ANLN: variants seen among roughly 807,000 people sequenced by gnomAD.
ANLN encodes anillin, actin binding protein.
A neutral mutation model predicts 135.1 loss-of-function variants in ANLN; 59 were observed. The observed-to-expected ratio is 0.44, with a 90% CI of 0.35 to 0.54. The LOEUF (loss-of-function observed/expected upper bound fraction) is 0.54. Ranked by LOEUF, ANLN falls within the 20% of genes least tolerant of loss-of-function variation. The pLI is 0.00. For synonymous variants in ANLN, 406 were observed against 456.4 expected (o/e 0.89, Z 1.41); for missense variants, 1,182 against 1,340.0 (o/e 0.88, Z 1.84).
chr7:36,448,026 T>G (rs540213150), intron 22 of ANLN, among the ~76,000 whole-genome samples: 1 of 152,208 alleles, frequency 6.6e-6, no homozygotes, highest in South Asian at 2.1e-4. Context: ...TTCTTTTCTT[T>G]TTTTTTGAGA....
chr7:36,418,601 C>T (rs568177915), intron 9 of ANLN, among the ~76,000 whole-genome samples: 7 of 152,042 alleles, frequency 4.6e-5, no homozygotes, highest in African/African-American at 1.7e-4. Flanking sequence ...TAGCTCTCAA[C>T]GATAGAAAAA....
chr7:36,431,007 A>C (rs1449774376), intron 20 of ANLN, among the ~76,000 whole-genome samples: 3 of 152,150 alleles, frequency 2.0e-5, no homozygotes, highest in Non-Finnish European at 4.4e-5. Context: ...CAAGCTTCTA[A>C]CCAAAAATAT....
chr7:36,401,117 C>T (rs546718362), intron 3 of ANLN, among the ~76,000 whole-genome samples: 1 of 152,198 alleles, frequency 6.6e-6, no homozygotes, highest in East Asian at 1.9e-4. Flanking sequence ...ATGTAAAATG[C>T]TAGGTATTGC....
intron 20 of ANLN, among the ~76,000 whole-genome samples, chr7:36,438,414 C>G (rs1788632700): frequency 6.6e-6 from 1 of 152,096 alleles, no homozygotes; most frequent in Middle Eastern, 3.2e-3. Context: ...GTCTTTTGCC[C>G]AGGCCAGAGT....
chr7:36,390,099 C>G (rs776462151), intron 1 of ANLN, 55 bp downstream of exon 1: 4 of 1,611,768 alleles, frequency 2.5e-6, no homozygotes, highest in Non-Finnish European at 3.4e-6. Flanking sequence ...GGCCCCCACC[C>G]ACCTTCCTCT....
At chr7:36,433,195 T>C (rs1273303279) in intron 20 of ANLN, among the ~76,000 whole-genome samples, 1 of 152,198 alleles carries the variant, frequency 6.6e-6, no homozygotes, top group East Asian at 1.9e-4. Flanking sequence ...TTCTTCCTTC[T>C]TGTAGATTGA....
chr7:36,420,435 AC>A (rs1359365123), intron 11 of ANLN, 121 bp downstream of exon 11: 1 of 1,377,496 alleles, frequency 7.3e-7, no homozygotes, highest in Non-Finnish European at 9.9e-7. Context: ...GTTTGGAATA[AC>A]TTTTGTTAGC....
At chr7:36,431,058 T>G (rs989478270) in intron 20 of ANLN, among the ~76,000 whole-genome samples, 2 of 152,200 alleles carry the variant, frequency 1.3e-5, no homozygotes, top group Non-Finnish European at 2.9e-5. Flanking sequence ...GGGCACATTT[T>G]CTTCTCATTG....
At chr7:36,423,172 TA>T (rs1454198678) in intron 14 of ANLN, among the ~76,000 whole-genome samples, 1 of 152,182 alleles carries the variant, frequency 6.6e-6, no homozygotes, top group Non-Finnish European at 1.5e-5. Context: ...CAATTTATTT[TA>T]AAAAATTTCT....
At chr7:36,445,099 T>C (rs1788935144) in intron 22 of ANLN, among the ~76,000 whole-genome samples, 2 of 149,180 alleles carry the variant, frequency 1.3e-5, no homozygotes, top group Admixed American at 6.7e-5. Flanking sequence ...ATTTTTATTA[T>C]ACAGATTGAA....
At chr7:36,425,574 G>T in intron 17 of ANLN, 128 bp from the exon 18 acceptor site, 2 of 754,218 alleles carry the variant, frequency 2.7e-6, no homozygotes, top group South Asian at 1.9e-5. Context: ...GATTACAGGC[G>T]TGAGCCACTG....
chr7:36,446,586 A>C (rs1789009929), intron 22 of ANLN, among the ~76,000 whole-genome samples: 2 of 152,184 alleles, frequency 1.3e-5, no homozygotes, highest in Non-Finnish European at 1.5e-5. Context: ...GCAAGTGAGC[A>C]AGGGGAGGTG....
chr7:36,424,026 T>C lies in ANLN; in HGVS notation c.2603+83T>C, dbSNP rs1467438731. The C allele has an allele frequency of 4.9e-6, 7 of 1,418,910 alleles. No homozygotes were observed. The East Asian group carries it at 7.4e-5, about 15-fold the overall frequency. The allele number at this position is 1,418,910 out of a possible 1,614,324, so 87.9% of individuals were successfully genotyped here. A position where few individuals can be genotyped will look rare whatever the true frequency, so the allele number is the denominator to read the frequency against. On this transcript the variant is annotated intron_variant, in intron 15 of 23. Transcript: ENST00000265748. ...CAGTCTAAAGCATTCAGGTGGCATT[T>C]ATAATCTTTGAAACGCCTTATGCAC...
rs755538271 is a variant in ANLN, at chr7:36,411,098, G to A, written c.1327G>A (p.Asp443Asn). 6 of 1,611,430 alleles carry A rather than the reference G, an allele frequency of 3.7e-6. No homozygotes were observed. The highest frequency in any genetic ancestry group is 5.1e-6 in the Non-Finnish European group (6 of 1,179,502). The change falls in exon 7 of 24, where the codon GAC (aspartate) becomes AAC (asparagine). Residue 443 changes from aspartate to asparagine, a missense_variant. Transcript: ENST00000265748. ...KELACLRGRF[D>N]KGNIWSAEKG... is the part of the protein sequence containing the mutation. The stretch of plus-strand genomic sequence containing the variant: ...ACTAGCATGTCTTCGTGGCCGATTT[G>A]ACAAGGGCAATATATGGAGTGCAGA...
intron 2 of ANLN, among the ~76,000 whole-genome samples, chr7:36,397,292 A>G (rs974968642): frequency 6.6e-6 from 1 of 152,210 alleles, no homozygotes; most frequent in Non-Finnish European, 1.5e-5. Flanking sequence ...ATTATATGGT[A>G]TTCAGCCAGG....
At chr7:36,407,418 TG>T (rs1047234536) in intron 4 of ANLN, among the ~76,000 whole-genome samples, 4 of 152,180 alleles carry the variant, frequency 2.6e-5, no homozygotes, top group Non-Finnish European at 5.9e-5. Flanking sequence ...GTTAAAAATT[TG>T]ATAAAGGTAC....
In ANLN at chr7:36,421,930, A is replaced by T. The variant is rs1183796037; in HGVS notation, c.2237A>T (p.Asp746Val). ...AGCCAGGCTCTTAACTGCTGTGTTG[A>T]TGAAGAACATGGAAAAGGGTCCCTA... ...QASQALNCCV[D>V]EEHGKGSLEE... Residue 746 changes from aspartate (D) to valine (V), a missense_variant, in exon 13 of 24, where the codon GAT (aspartate) becomes GTT (valine). Around this residue, in one of 3 missense-constraint regions of ANLN, gnomAD observed 1,022 missense variants for 1,134.0 expected, o/e 0.90. Coordinates refer to ENST00000265748, the MANE Select transcript of ANLN (RefSeq NM_018685.5). The T allele has an allele frequency of 6.2e-7, 1 of 1,613,710 alleles. No individual in the cohort carries two copies.
At chr7:36,445,856 G>A (rs1189974644) in intron 22 of ANLN, among the ~76,000 whole-genome samples, 1 of 152,118 alleles carries the variant, frequency 6.6e-6, no homozygotes, top group Non-Finnish European at 1.5e-5. Flanking sequence ...AAAGTTCTCA[G>A]CTTTTCATAT....
At chr7:36,431,261 T>C (rs1442310577) in intron 20 of ANLN, among the ~76,000 whole-genome samples, 2 of 152,140 alleles carry the variant, frequency 1.3e-5, no homozygotes, top group Admixed American at 1.3e-4. Context: ...ATTTGGGCAG[T>C]TGGAGGTTCA....
Sources: allele counts gnomAD v4.1 joint callset (sites outside exome capture counted in the v4.1 genomes callset), GRCh38; gene constraint gnomAD v4.1.1; regional missense constraint gnomAD v4.1.1; transcripts MANE v1.5; gene names NCBI Gene and HGNC (gene_info 2026-07-23, HGNC 2026-07-21).